The following NTRK2 variants were observed in gnomAD, a reference collection of about 807,000 sequenced individuals.
The protein encoded by NTRK2 is neurotrophic receptor tyrosine kinase 2, also known as BDNF/NT-3 growth factors receptor.
NTRK2 carries 13 observed loss-of-function variants against 94.5 expected under a neutral mutation model. That is an observed-to-expected ratio of 0.14 (90% CI 0.09 to 0.22). The LOEUF is 0.22. Among genes scored for constraint, NTRK2 ranks in the 10% least tolerant of loss-of-function variants. The pLI is 1.00. For missense variants in NTRK2, 639 were observed against 1,071.2 expected (o/e 0.60, Z 5.63); for synonymous variants, 372 against 407.4 (o/e 0.91, Z 1.05).
chr9:85,006,067 G>A (rs1830926040), intron 17 of NTRK2, among the ~76,000 whole-genome samples: 1 of 152,164 alleles, frequency 6.6e-6, no homozygotes, highest in Non-Finnish European at 1.5e-5. Context: ...TGCTGAATAA[G>A]TGAATGTTAT....
chr9:84,902,405 G>T (rs886922736), intron 14 of NTRK2, among the ~76,000 whole-genome samples: 63 of 152,062 alleles, frequency 4.1e-4, no homozygotes, highest in African/African-American at 1.5e-3. Context: ...ATCTGTATTT[G>T]TTTCACAACA....
At chr9:84,729,716 C>T (rs1159598513) in intron 9 of NTRK2, among the ~76,000 whole-genome samples, 1 of 152,200 alleles carries the variant, frequency 6.6e-6, no homozygotes, top group African/African-American at 2.4e-5. Context: ...ATTTGAATTT[C>T]ACCAGTGGCC....
At chr9:84,927,506 T>C (rs776608395) in intron 14 of NTRK2, among the ~76,000 whole-genome samples, 1 of 152,116 alleles carries the variant, frequency 6.6e-6, no homozygotes, top group Non-Finnish European at 1.5e-5. Context: ...TTTTAGTAGG[T>C]GCATAGTAAA....
chr9:84,708,017 A>C, intron 5 of NTRK2, 105 bp downstream of exon 5: 1 of 871,400 alleles, frequency 1.1e-6, no homozygotes, highest in Non-Finnish European at 1.9e-6. Flanking sequence ...TTTTATACCA[A>C]ATTCTCAAAA....
At chr9:84,890,721 A>G (rs1378217145) in intron 14 of NTRK2, among the ~76,000 whole-genome samples, 2 of 152,214 alleles carry the variant, frequency 1.3e-5, no homozygotes, top group Non-Finnish European at 2.9e-5. Flanking sequence ...GCCATGATTA[A>G]AAAATGCTTA....
intron 17 of NTRK2, among the ~76,000 whole-genome samples, chr9:85,002,266 C>T (rs970921891): frequency 1.1e-4 from 16 of 152,110 alleles, no homozygotes; most frequent in African/African-American, 3.9e-4. Context: ...CTGAAGACCC[C>T]AAGAGGATGA....
chr9:84,903,247 A>G (rs2076984292), intron 14 of NTRK2, among the ~76,000 whole-genome samples: 1 of 152,200 alleles, frequency 6.6e-6, no homozygotes, highest in African/African-American at 2.4e-5. Flanking sequence ...TTGCAGCTAT[A>G]GGTGTGATAC....
chr9:84,740,276 T>G (rs2063547352), intron 9 of NTRK2, among the ~76,000 whole-genome samples: 1 of 152,208 alleles, frequency 6.6e-6, no homozygotes, highest in Non-Finnish European at 1.5e-5. Context: ...CTTTATTCAT[T>G]GAGTTAGCCC....
At chr9:84,752,146 C>A in intron 12 of NTRK2, 61 bp downstream of exon 12, 3 of 1,216,664 alleles carry the variant, frequency 2.5e-6, no homozygotes, top group Non-Finnish European at 3.7e-6. Context: ...ATGACTAATG[C>A]TAATTACCAC....
In NTRK2 at chr9:85,025,973, G is replaced by A. The variant is rs1285895629; in HGVS notation, c.*4536G>A. The A allele has an allele frequency of 4.3e-6, 1 of 232,424 alleles. No individual in the cohort carries two copies. The highest frequency in any genetic ancestry group is 5.6e-5 in the Admixed American group (1 of 17,756). The allele number at this position is 232,424 out of a possible 1,614,324, so 14.4% of individuals were successfully genotyped here. A position where few individuals can be genotyped will look rare whatever the true frequency, so the allele number is the denominator to read the frequency against. On this transcript the variant is annotated 3_prime_UTR_variant, in exon 19 of 19. Transcript: ENST00000277120. ...GGAAGGGGTATTTTCTTGTTGTCAG[G>A]GCTGGAATGAATCACTGCTGCTCAA...
At chr9:85,018,059 G>T (rs1175574071) in intron 17 of NTRK2, among the ~76,000 whole-genome samples, 4 of 151,846 alleles carry the variant, frequency 2.6e-5, no homozygotes, top group Non-Finnish European at 4.4e-5. Flanking sequence ...TGCCATGTTT[G>T]TATCTTAAGA....
At chr9:84,876,363 T>C in intron 14 of NTRK2, 1 of 1,052,078 alleles carries the variant, frequency 9.5e-7, no homozygotes, top group Non-Finnish European at 1.1e-6. Flanking sequence ...ACCTGAATTG[T>C]TTTCCTACAG....
intron 15 of NTRK2, among the ~76,000 whole-genome samples, chr9:84,939,035 G>C (rs1050449420): frequency 3.5e-5 from 4 of 114,926 alleles, no homozygotes; most frequent in African/African-American, 1.4e-4. Flanking sequence ...CTGGGTGACA[G>C]AGTGAGACCC....
intron 16 of NTRK2, among the ~76,000 whole-genome samples, chr9:84,949,323 G>A (rs1480469405): frequency 6.6e-6 from 1 of 152,192 alleles, no homozygotes; most frequent in Non-Finnish European, 1.5e-5. Flanking sequence ...AGTTTTGTGG[G>A]ATGTGGGGTC....
chr9:84,962,687 C>G (rs1003534139), intron 17 of NTRK2, among the ~76,000 whole-genome samples: 3 of 152,122 alleles, frequency 2.0e-5, no homozygotes, highest in Non-Finnish European at 4.4e-5. Context: ...CTCTCCTCCT[C>G]CAGTTTTGAA....
At chr9:84,703,204 G>T (rs1488121779) in intron 4 of NTRK2, among the ~76,000 whole-genome samples, 1 of 152,148 alleles carries the variant, frequency 6.6e-6, no homozygotes, top group Non-Finnish European at 1.5e-5. Flanking sequence ...CTGCCAGAAG[G>T]TTGTTGCCTG....
At chr9:84,957,854 C>T (rs1204661168) in intron 17 of NTRK2, among the ~76,000 whole-genome samples, 1 of 152,182 alleles carries the variant, frequency 6.6e-6, no homozygotes, top group Non-Finnish European at 1.5e-5. Flanking sequence ...TGTCCATCAA[C>T]TGATTAATGA....
At chr9:84,979,744 G>A (rs1827350627) in intron 17 of NTRK2, among the ~76,000 whole-genome samples, 1 of 152,178 alleles carries the variant, frequency 6.6e-6, no homozygotes, top group South Asian at 2.1e-4. Flanking sequence ...AAATTTCACT[G>A]TTGTATTATT....
At chr9:84,982,430 C>A (rs1483542593) in intron 17 of NTRK2, among the ~76,000 whole-genome samples, 1 of 152,164 alleles carries the variant, frequency 6.6e-6, no homozygotes, top group African/African-American at 2.4e-5. Context: ...GAATCCTGGT[C>A]CAGAAATCTC....
Sources: allele counts gnomAD v4.1 joint callset (sites outside exome capture counted in the v4.1 genomes callset), GRCh38; gene constraint gnomAD v4.1.1; transcripts MANE v1.5; gene names NCBI Gene and HGNC (gene_info 2026-07-23, HGNC 2026-07-21).